PRICKLE1: variants seen among roughly 807,000 people sequenced by gnomAD.
PRICKLE1 encodes the protein prickle planar cell polarity protein 1, also known as prickle-like protein 1.
A neutral mutation model predicts 70.2 loss-of-function variants in PRICKLE1; 14 were observed. That is an observed-to-expected ratio of 0.20 (90% CI 0.13 to 0.31). The LOEUF (loss-of-function observed/expected upper bound fraction) is 0.31, where lower values mean the gene tolerates loss of function less well. Among genes scored for constraint, PRICKLE1 ranks in the 10% least tolerant of loss-of-function variants. PRICKLE1 has a pLI of 1.00. For synonymous variants in PRICKLE1, 357 were observed against 379.9 expected (o/e 0.94, Z 0.70); for missense variants, 821 against 1,026.2 (o/e 0.80, Z 2.73).
At chr12:42,584,008 G>A (rs1487915151) in intron 1 of PRICKLE1, among the ~76,000 whole-genome samples, 1 of 152,108 alleles carries the variant, frequency 6.6e-6, no homozygotes, top group African/African-American at 2.4e-5. Flanking sequence ...AATATATCTA[G>A]TAGCTATTAA....
At chr12:42,562,648 A>C (rs1940536288) in intron 1 of PRICKLE1, among the ~76,000 whole-genome samples, 1 of 152,214 alleles carries the variant, frequency 6.6e-6, no homozygotes, top group Non-Finnish European at 1.5e-5. Flanking sequence ...AACCAAAGCA[A>C]GGCAAAAGAC....
At chr12:42,473,930 T>A (rs1235581245) in intron 1 of PRICKLE1, among the ~76,000 whole-genome samples, 4 of 152,198 alleles carry the variant, frequency 2.6e-5, no homozygotes, top group Non-Finnish European at 5.9e-5. Context: ...TCAGTGACTA[T>A]CTCAATTCAA....
intron 2 of PRICKLE1, among the ~76,000 whole-genome samples, chr12:42,471,045 C>T (rs369447423): frequency 1.2e-4 from 19 of 152,296 alleles, no homozygotes; most frequent in East Asian, 3.9e-4. Context: ...AGCCACTACA[C>T]GAACACATTT....
chr12:42,568,560 G>A (rs1028069934), intron 1 of PRICKLE1, among the ~76,000 whole-genome samples: 3 of 152,164 alleles, frequency 2.0e-5, no homozygotes, highest in Non-Finnish European at 2.9e-5. Flanking sequence ...TGGCAAATAC[G>A]CTTGATGAAT....
intron 1 of PRICKLE1, chr12:42,483,424 C>G (rs1938878029): frequency 6.6e-6 from 1 of 151,912 alleles, no homozygotes; most frequent in Non-Finnish European, 1.5e-5. Context: ...CTCGCGGCGC[C>G]GGCCCCTGAG....
chr12:42,506,259 C>CTT (rs5797804), intron 1 of PRICKLE1, among the ~76,000 whole-genome samples: 1,211 of 121,080 alleles, frequency 0.01, 24 homozygotes, highest in Middle Eastern at 0.032. Context: ...TTCTTTCTTT[C>CTT]TTTTTTTTTT....
intron 1 of PRICKLE1, among the ~76,000 whole-genome samples, chr12:42,516,224 C>T (rs907317174): frequency 1.3e-5 from 2 of 152,044 alleles, no homozygotes; most frequent in African/African-American, 4.8e-5. Flanking sequence ...CCCCACCTCC[C>T]GGGTTCATGC....
At chr12:42,512,171 T>C (rs940385157) in intron 1 of PRICKLE1, among the ~76,000 whole-genome samples, 2 of 152,026 alleles carry the variant, frequency 1.3e-5, no homozygotes, top group African/African-American at 2.4e-5. Context: ...TGGACAGATA[T>C]GTGTTTTGGT....
In PRICKLE1 at chr12:42,468,719, C is replaced by G; in HGVS notation, c.495G>C (p.Leu165=). ...CFVCFTCNEL[L]VDLIYFYQDG... ...CCTGATAAAAATAGATGAGGTCGAC[C>G]AGCAGCTCATTACACGTGAAACAGA... The change falls in exon 5 of 8, where the codon CTG becomes CTC. Residue 165 remains leucine, a synonymous_variant. Transcript: ENST00000345127. 6.2e-7 allele frequency: 1 copy of G among 1,614,110 alleles called. No homozygotes were observed. The highest frequency in any genetic ancestry group is 1.3e-5 in the African/African-American group (1 of 75,008).
chr12:42,567,344 AC>A (rs1940636790), intron 1 of PRICKLE1, among the ~76,000 whole-genome samples: 1 of 152,248 alleles, frequency 6.6e-6, no homozygotes, highest in Non-Finnish European at 1.5e-5. Flanking sequence ...GAAGACTACT[AC>A]AGTACAGTCT....
intron 1 of PRICKLE1, among the ~76,000 whole-genome samples, chr12:42,536,492 T>C (rs549310303): frequency 1.3e-5 from 2 of 152,304 alleles, no homozygotes; most frequent in East Asian, 3.9e-4. Context: ...GGACATTAGC[T>C]GCCTTCCTGA....
At chr12:42,467,960 C>T (rs1455370003) in intron 5 of PRICKLE1, among the ~76,000 whole-genome samples, 1 of 152,112 alleles carries the variant, frequency 6.6e-6, no homozygotes, top group Non-Finnish European at 1.5e-5. Context: ...CTGGGAAAAT[C>T]TAAACAAAGA....
intron 1 of PRICKLE1, among the ~76,000 whole-genome samples, chr12:42,571,465 A>C (rs1940711638): frequency 5.3e-5 from 8 of 152,342 alleles, no homozygotes. Context: ...GGCTGTGTTT[A>C]AAGCTGGTGA....
chr12:42,573,826 G>A (rs563567114), intron 1 of PRICKLE1, among the ~76,000 whole-genome samples: 22 of 152,248 alleles, frequency 1.4e-4, no homozygotes, highest in Admixed American at 1.0e-3. Flanking sequence ...ATGAGCCACC[G>A]CACCAGGCTG....
chr12:42,518,703 T>C (rs1939654127), intron 1 of PRICKLE1, among the ~76,000 whole-genome samples: 1 of 152,230 alleles, frequency 6.6e-6, no homozygotes, highest in Admixed American at 6.5e-5. Flanking sequence ...CCCATTGTAA[T>C]TTAAAACTAA....
chr12:42,583,941 C>T (rs1361862414), intron 1 of PRICKLE1, among the ~76,000 whole-genome samples: 1 of 152,078 alleles, frequency 6.6e-6, no homozygotes, highest in Non-Finnish European at 1.5e-5. Context: ...TATTACCTGT[C>T]CATTTACTCC....
chr12:42,476,468 C>T (rs2140136602), intron 1 of PRICKLE1, among the ~76,000 whole-genome samples: 1 of 151,972 alleles, frequency 6.6e-6, no homozygotes, highest in South Asian at 2.1e-4. Context: ...AGGCGTGAGC[C>T]ACTGCACCTG....
Position 42,464,049 on chromosome 12 carries a change from G to A in PRICKLE1, c.1639+346C>T, listed in dbSNP as rs1937971011. 6.7e-6 allele frequency among the ~76,000 whole-genome samples: 1 copy of A among 149,414 alleles called. No homozygotes were observed. Among genetic ancestry groups the A allele is most frequent in the Non-Finnish European group, 1.5e-5 (1 of 67,530 alleles). On this transcript the variant is annotated intron_variant, in intron 7 of 7. Transcript: ENST00000345127. The surrounding 1 kb of genome is among the most constrained non-coding windows in gnomAD (Gnocchi z 4.2). ...GAATTGCAATTTTTTTTTTTTTTGAGATGGAGTCTTGCTCTGTTGCCCAGG... is the reference window on the plus strand; with the variant it reads ...GAATTGCAATTTTTTTTTTTTTTGAAATGGAGTCTTGCTCTGTTGCCCAGG...
At chr12:42,572,067 T>TA (rs1055854890) in intron 1 of PRICKLE1, among the ~76,000 whole-genome samples, 3 of 152,154 alleles carry the variant, frequency 2.0e-5, no homozygotes, top group African/African-American at 4.8e-5. Flanking sequence ...TTTGCAGATT[T>TA]AAAAAAATTA....
Sources: allele counts gnomAD v4.1 joint callset (sites outside exome capture counted in the v4.1 genomes callset), GRCh38; gene constraint gnomAD v4.1.1; non-coding constraint Gnocchi (gnomAD v3.1); transcripts MANE v1.5; gene names NCBI Gene and HGNC (gene_info 2026-07-23, HGNC 2026-07-21).